SMAD5: variants seen among roughly 807,000 people sequenced by gnomAD.
The protein encoded by SMAD5 is MAD, mothers against decapentaplegic homolog 5.
A neutral mutation model predicts 43.1 loss-of-function variants in SMAD5; 9 were observed. The ratio of observed to expected loss-of-function variants is 0.21; its 90% confidence interval spans 0.13 to 0.36. SMAD5 has a LOEUF of 0.36. Ranked by LOEUF, SMAD5 falls within the 10% of genes least tolerant of loss-of-function variation. SMAD5 has a pLI of 1.00. For missense variants in SMAD5, 348 were observed against 574.0 expected, an observed-to-expected ratio of 0.61 and a Z score of 4.02; for synonymous variants, 190 against 192.4, an observed-to-expected ratio of 0.99 and a Z score of 0.10.
intron 1 of SMAD5, chr5:136,134,768 T>G (rs1170333588): frequency 1.3e-5 from 2 of 152,246 alleles, no homozygotes; most frequent in Non-Finnish European, 1.5e-5. Flanking sequence ...TACAGCTTCC[T>G]TTCCTTCCCT....
chr5:136,148,179 A>G (rs1182620277), intron 2 of SMAD5, among the ~76,000 whole-genome samples: 5 of 151,616 alleles, frequency 3.3e-5, no homozygotes, highest in Admixed American at 6.6e-5. Context: ...TGGATAAACA[A>G]TTTTTCCCAC....
In SMAD5 at chr5:136,172,844, T is replaced by G. The variant is rs949328408; in HGVS notation, c.997+189T>G. 8.7e-6 allele frequency: 5 copies of G among 574,372 alleles called. No individual in the cohort carries two copies. In the African/African-American group the frequency reaches 9.4e-5, roughly 11 times the overall value. 35.6% of individuals were successfully genotyped at this position (574,372 alleles called of 1,614,324 possible). On this transcript the variant is annotated intron_variant, in intron 6 of 7. Coordinates refer to ENST00000545279, the MANE Select transcript of SMAD5 (RefSeq NM_005903.7). ...ATGTTCCCTCATTTTTTTGTCCTGC[T>G]TAGTGTTTCTTCCCAGTGCTAAGGA...
Position 136,182,017 on chromosome 5 carries a change from T to C in SMAD5, c.*4537T>C, listed in dbSNP as rs968556106. ...TTCATGGCAGAGTGAAAAAGGTTTG[T>C]ATGGTTCTTGTCCAAATAACTCAGT... On this transcript the variant is annotated 3_prime_UTR_variant, in exon 8 of 8. Transcript: ENST00000545279. 20 of 152,190 alleles carry C rather than the reference T, an allele frequency of 1.3e-4. No individual in the cohort carries two copies. Among genetic ancestry groups the C allele is most frequent in the Admixed American group, 6.5e-5 (1 of 15,284 alleles). 9.4% of individuals were successfully genotyped at this position (152,190 alleles called of 1,614,324 possible).
At chr5:136,170,987 A>G (rs930442240) in intron 5 of SMAD5, among the ~76,000 whole-genome samples, 3 of 152,172 alleles carry the variant, frequency 2.0e-5, no homozygotes, top group African/African-American at 4.8e-5. Flanking sequence ...TTATTTTTAC[A>G]TAGACAATCA....
chr5:136,140,023 C>CTTT (rs796179216), intron 1 of SMAD5, among the ~76,000 whole-genome samples: 40 of 134,974 alleles, frequency 3.0e-4, no homozygotes, highest in African/African-American at 9.8e-4. Context: ...CAGGATAACT[C>CTTT]TTTTTTTTTT....
intron 6 of SMAD5, among the ~76,000 whole-genome samples, chr5:136,174,000 A>G (rs1039364834): frequency 6.6e-6 from 1 of 151,872 alleles, no homozygotes; most frequent in Non-Finnish European, 1.5e-5. Context: ...AAGTCTGTCA[A>G]ATGACTGTTT....
At chr5:136,146,066 T>A (rs1439842353) in intron 1 of SMAD5, among the ~76,000 whole-genome samples, 1 of 151,938 alleles carries the variant, frequency 6.6e-6, no homozygotes, top group Non-Finnish European at 1.5e-5. Context: ...TTGTGACTAT[T>A]TAGAGTTAGT....
chr5:136,148,396 A>G (rs536795765), intron 2 of SMAD5, among the ~76,000 whole-genome samples: 2 of 151,902 alleles, frequency 1.3e-5, no homozygotes, highest in South Asian at 2.1e-4. Context: ...AAAGTGGTAG[A>G]TTCCCTGAGC....
At position 136,132,934 on chromosome 5, in the gene SMAD5, T is replaced by C. The variant is rs908812652; in HGVS notation, c.-273T>C. On this transcript the variant is annotated 5_prime_UTR_variant, in exon 1 of 8. Transcript: ENST00000545279. ...AGCGAGGAGAAGCGCAGCGACGGCG[T>C]CGGGAGAGCGCGCCTAGCCGGCTCG... 1 of 152,146 alleles carries C rather than the reference T, an allele frequency of 6.6e-6. No homozygotes were observed. The highest frequency in any genetic ancestry group is 1.5e-5 in the Non-Finnish European group (1 of 68,040). 9.4% of individuals were successfully genotyped at this position (152,146 alleles called of 1,614,324 possible).
At chr5:136,146,380 G>C (rs1753257108) in intron 1 of SMAD5, among the ~76,000 whole-genome samples, 1 of 151,640 alleles carries the variant, frequency 6.6e-6, no homozygotes, top group Middle Eastern at 3.2e-3. Context: ...GAGTATTATG[G>C]GGTGTTAGAT....
intron 5 of SMAD5, among the ~76,000 whole-genome samples, chr5:136,166,788 T>C (rs1346572389): frequency 6.6e-6 from 1 of 152,238 alleles, no homozygotes; most frequent in Non-Finnish European, 1.5e-5. Context: ...ATATGGACTG[T>C]ATTTACTCCA....
chr5:136,150,757 T>G (rs1753430385), intron 2 of SMAD5, among the ~76,000 whole-genome samples: 1 of 152,056 alleles, frequency 6.6e-6, no homozygotes. Flanking sequence ...CTCTTAAGTC[T>G]TGGTTCGTCT....
At chr5:136,135,404 A>G (rs1449830526) in intron 1 of SMAD5, among the ~76,000 whole-genome samples, 1 of 152,186 alleles carries the variant, frequency 6.6e-6, no homozygotes, top group African/African-American at 2.4e-5. Context: ...ATGAACCCAA[A>G]CATTATGATT....
rs1205933496 is a variant in SMAD5, at chr5:136,179,639, C to G, written c.*2159C>G. 6.6e-6 allele frequency: 1 copy of G among 152,200 alleles called. No individual in the cohort carries two copies. Among genetic ancestry groups the G allele is most frequent in the Non-Finnish European group, 1.5e-5 (1 of 68,032 alleles). The allele number at this position is 152,200 out of a possible 1,614,324, so 9.4% of individuals were successfully genotyped here. Reference sequence around the variant, plus strand: ...GCTGGGTAAAAGAAATACTTTCTGACAGTCACCTGAGCCTTAAATGTAAGT... The same window carrying G: ...GCTGGGTAAAAGAAATACTTTCTGAGAGTCACCTGAGCCTTAAATGTAAGT... On this transcript the variant is annotated 3_prime_UTR_variant, in exon 8 of 8. Transcript: ENST00000545279.
At chr5:136,158,964 T>C (rs559577161) in intron 3 of SMAD5, among the ~76,000 whole-genome samples, 1 of 152,244 alleles carries the variant, frequency 6.6e-6, no homozygotes, top group South Asian at 2.1e-4. Context: ...TTATTTGTTG[T>C]ATCCAAGAAA....
At chr5:136,148,253 TG>T (rs1753330641) in intron 2 of SMAD5, among the ~76,000 whole-genome samples, 3 of 128,284 alleles carry the variant, frequency 2.3e-5, no homozygotes, top group African/African-American at 1.0e-4. Flanking sequence ...AGCTTTAAGT[TG>T]TTCTTTTTTT....
intron 1 of SMAD5, among the ~76,000 whole-genome samples, chr5:136,142,241 G>A (rs1294947779): frequency 1.3e-5 from 2 of 152,158 alleles, no homozygotes; most frequent in Non-Finnish European, 2.9e-5. Context: ...TATGTGATGC[G>A]GTAAGCATAT....
intron 3 of SMAD5, among the ~76,000 whole-genome samples, chr5:136,156,648 G>A (rs1378663131): frequency 6.6e-6 from 1 of 152,140 alleles, no homozygotes; most frequent in Admixed American, 6.5e-5. Flanking sequence ...AGAAGTATAG[G>A]CTGAAAAACT....
intron 1 of SMAD5, among the ~76,000 whole-genome samples, chr5:136,145,947 A>G (rs1426108127): frequency 2.0e-5 from 3 of 151,850 alleles, no homozygotes; most frequent in African/African-American, 7.2e-5. Flanking sequence ...CCTTCTCCCC[A>G]AAGGGTCATA....
Sources: gnomAD v4.1 joint callset for allele counts (sites outside exome capture counted in the v4.1 genomes callset) on GRCh38, gnomAD v4.1.1 for gene constraint, MANE v1.5 for transcripts, NCBI Gene and HGNC (gene_info 2026-07-23, HGNC 2026-07-21) for gene names.